TRPC6: variants seen among roughly 807,000 people sequenced by gnomAD.
TRPC6 encodes transient receptor potential cation channel subfamily C member 6, also known as short transient receptor potential channel 6.
TRPC6 carries 55 observed loss-of-function variants against 90.7 expected under a neutral mutation model. The observed-to-expected ratio is 0.61, with a 90% CI of 0.49 to 0.76. The LOEUF is 0.76. Among genes scored for constraint, TRPC6 ranks in the 30% least tolerant of loss-of-function variants. The probability of loss-of-function intolerance (pLI) is 0.00; values close to 1 mark genes in which losing one functional copy is unlikely to be tolerated. For missense variants in TRPC6, 989 were observed against 1,122.7 expected (o/e 0.88, Z 1.70); for synonymous variants, 393 against 393.0 (o/e 1.00, Z 0.00).
chr11:101,494,504 C>T (rs756542340), intron 2 of TRPC6, among the ~76,000 whole-genome samples: 8 of 152,070 alleles, frequency 5.3e-5, no homozygotes, highest in Non-Finnish European at 8.8e-5. Context: ...TAAAAAAATA[C>T]CATGGAGCTG....
chr11:101,572,202 T>C (rs1237822562), intron 1 of TRPC6, among the ~76,000 whole-genome samples: 1 of 152,084 alleles, frequency 6.6e-6, no homozygotes, highest in Admixed American at 6.5e-5. Flanking sequence ...CATCAAAAAG[T>C]GGGCAAAGGA....
chr11:101,473,861 A>T, intron 6 of TRPC6, 88 bp from the exon 7 acceptor site: 1 of 1,585,242 alleles, frequency 6.3e-7, no homozygotes, highest in South Asian at 1.1e-5. Flanking sequence ...AAATATAGTT[A>T]TGTTAGAATC....
intron 1 of TRPC6, among the ~76,000 whole-genome samples, chr11:101,582,515 G>A (rs925239850): frequency 1.3e-5 from 2 of 151,788 alleles, no homozygotes; most frequent in African/African-American, 4.8e-5. Flanking sequence ...CTTTTCTTCT[G>A]GAGTCCACTC....
At chr11:101,469,107 A>G (rs1681039877) in intron 10 of TRPC6, among the ~76,000 whole-genome samples, 1 of 152,210 alleles carries the variant, frequency 6.6e-6, no homozygotes, top group South Asian at 2.1e-4. Context: ...TGAGCTGCAA[A>G]GAGTGAAGTT....
At chr11:101,546,048 CTCT>C in intron 1 of TRPC6, among the ~76,000 whole-genome samples, 1 of 43,050 alleles carries the variant, frequency 2.3e-5, no homozygotes, top group South Asian at 7.7e-4. Flanking sequence ...ACATTTATAA[CTCT>C]TTTTTTTTTT....
intron 1 of TRPC6, among the ~76,000 whole-genome samples, chr11:101,511,778 G>C (rs894458493): frequency 1.3e-5 from 2 of 152,038 alleles, no homozygotes; most frequent in Non-Finnish European, 2.9e-5. Context: ...GATCACCTGA[G>C]GTCAGGAGTT....
At chr11:101,525,135 T>A (rs953790413) in intron 1 of TRPC6, among the ~76,000 whole-genome samples, 3 of 152,218 alleles carry the variant, frequency 2.0e-5, no homozygotes, top group Non-Finnish European at 2.9e-5. Context: ...ATGAAAAGTA[T>A]CAAAGTACTA....
chr11:101,553,150 T>G (rs924583022), intron 1 of TRPC6, among the ~76,000 whole-genome samples: 3 of 152,076 alleles, frequency 2.0e-5, no homozygotes, highest in African/African-American at 7.2e-5. Context: ...CCCTCTTTCT[T>G]CATCTGATTC....
At chr11:101,495,772 A>G (rs1859930122) in intron 2 of TRPC6, among the ~76,000 whole-genome samples, 1 of 152,050 alleles carries the variant, frequency 6.6e-6, no homozygotes, top group Non-Finnish European at 1.5e-5. Flanking sequence ...TTATTCATAT[A>G]TTTTCACAAC....
At chr11:101,497,243 G>T (rs1036006619) in intron 2 of TRPC6, among the ~76,000 whole-genome samples, 1 of 152,138 alleles carries the variant, frequency 6.6e-6, no homozygotes, top group African/African-American at 2.4e-5. Flanking sequence ...AATTCATAAA[G>T]CTCAGCTAAG....
chr11:101,504,789 A>T lies in TRPC6; in HGVS notation c.180T>A (p.Ser60=). ...GCCGCCGGTGAGCCAGTCTGTTGTC[A>T]GATCCCCGGCTGCAATAAAACAGAA... ...CYGYYPCFRG[S]DNRLAHRRQT... is the part of the protein sequence containing the mutation. Residue 60 remains serine (S), a synonymous_variant, in exon 2 of 13, where the codon TCT becomes TCA. Coordinates refer to ENST00000344327, the MANE Select transcript of TRPC6 (RefSeq NM_004621.6). The T allele has an allele frequency of 6.2e-7, 1 of 1,611,812 alleles. No individual in the cohort carries two copies. The highest frequency in any genetic ancestry group is 8.5e-7 in the Non-Finnish European group (1 of 1,179,020).
intron 1 of TRPC6, among the ~76,000 whole-genome samples, chr11:101,573,008 T>A (rs200843130): frequency 1.3e-5 from 2 of 149,898 alleles, no homozygotes; most frequent in Admixed American, 6.6e-5. Flanking sequence ...AAAGTATAAT[T>A]AAAAAAAAAA....
Position 101,478,374 on chromosome 11 carries a change from G to A in TRPC6, c.1511-1840C>T, listed in dbSNP as rs182045485. ...TTTTTTTCCCCCTACTGTGGTCCCCGGGCTCCTGTCAGCCTCACGAGGAGA... is the reference window on the plus strand; with the variant it reads ...TTTTTTTCCCCCTACTGTGGTCCCCAGGCTCCTGTCAGCCTCACGAGGAGA... On this transcript the variant is annotated intron_variant, in intron 5 of 12. Coordinates refer to ENST00000344327, the MANE Select transcript of TRPC6 (RefSeq NM_004621.6). Among the ~76,000 whole-genome samples the A allele has an allele frequency of 2.6e-5, 4 of 152,014 alleles. No homozygotes were observed. The South Asian group carries it at 6.2e-4, about 24-fold the overall frequency.
Position 101,583,428 on chromosome 11 carries a change from T to A in TRPC6, c.76A>T (p.Asn26Tyr), listed in dbSNP as rs1306324106. The A allele has an allele frequency of 6.4e-7, 1 of 1,559,606 alleles. No individual in the cohort carries two copies. The highest frequency in any genetic ancestry group is 1.8e-5 in the Admixed American group (1 of 54,394). The change falls in exon 1 of 13, where the codon AAC (asparagine) becomes TAC (tyrosine). Residue 26 changes from asparagine to tyrosine, a missense_variant. Asn to Tyr is a moderately radical substitution (Grantham distance 143, BLOSUM62 -2). Coordinates refer to ENST00000344327, the MANE Select transcript of TRPC6 (RefSeq NM_004621.6). ...ATGAGCAGATAGTCCTGGCTCTCGT[T>A]GCGCCGCGCAGCGGCTCCGGCAGCG... ...RGAAGAAARR[N>Y]ESQDYLLMDS...
At chr11:101,524,231 A>G (rs1488071203) in intron 1 of TRPC6, among the ~76,000 whole-genome samples, 1 of 151,992 alleles carries the variant, frequency 6.6e-6, no homozygotes, top group African/African-American at 2.4e-5. Context: ...CAGTGGCTTC[A>G]GTCTCAATCA....
At chr11:101,527,559 G>A (rs1379348366) in intron 1 of TRPC6, among the ~76,000 whole-genome samples, 1 of 152,070 alleles carries the variant, frequency 6.6e-6, no homozygotes, top group East Asian at 1.9e-4. Context: ...TGTGGTTGGG[G>A]GGTGGTGTGC....
intron 1 of TRPC6, among the ~76,000 whole-genome samples, chr11:101,541,515 C>A (rs563686603): frequency 9.2e-6 from 1 of 109,214 alleles, no homozygotes; most frequent in South Asian, 4.1e-4. Flanking sequence ...GCACCTGCCA[C>A]CACGCCCGGG....
At chr11:101,503,261 C>G (rs140074447) in intron 2 of TRPC6, among the ~76,000 whole-genome samples, 66 of 152,252 alleles carry the variant, frequency 4.3e-4, no homozygotes, top group Non-Finnish European at 7.4e-4. Flanking sequence ...CCAGATACCT[C>G]TTATTAAGAG....
intron 1 of TRPC6, among the ~76,000 whole-genome samples, chr11:101,572,646 G>T (rs1261061048): frequency 1.3e-5 from 2 of 152,128 alleles, no homozygotes; most frequent in Non-Finnish European, 2.9e-5. Flanking sequence ...AAGAAAATGT[G>T]GCACATATAC....
Sources: gnomAD v4.1 joint callset for allele counts (sites outside exome capture counted in the v4.1 genomes callset) on GRCh38, gnomAD v4.1.1 for gene constraint, MANE v1.5 for transcripts, NCBI Gene and HGNC (gene_info 2026-07-23, HGNC 2026-07-21) for gene names.